The following RALGPS2 variants were observed in gnomAD, a reference collection of about 807,000 sequenced individuals.
The protein encoded by RALGPS2 is ras-specific guanine nucleotide-releasing factor RalGPS2.
RALGPS2 carries 43 observed loss-of-function variants against 86.8 expected under a neutral mutation model. The observed-to-expected ratio is 0.50, with a 90% confidence interval of 0.39 to 0.64. The LOEUF (loss-of-function observed/expected upper bound fraction) is 0.64. RALGPS2 is among the 30% of genes least tolerant of loss of function. The probability of loss-of-function intolerance (pLI) is 0.00; values close to 1 mark genes in which losing one functional copy is unlikely to be tolerated. For missense variants in RALGPS2, 536 were observed against 694.6 expected (o/e 0.77, Z 2.57); for synonymous variants, 243 against 231.3 (o/e 1.05, Z -0.46).
chr1:178,833,674 T>G, intron 8 of RALGPS2, 124 bp downstream of exon 8: 1 of 1,383,076 alleles, frequency 7.2e-7, no homozygotes, highest in Non-Finnish European at 9.3e-7. Context: ...TCAAGATTGG[T>G]AAGCTGAAAA....
intron 5 of RALGPS2, among the ~76,000 whole-genome samples, chr1:178,808,831 G>A (rs1654852484): frequency 6.6e-6 from 1 of 151,956 alleles, no homozygotes; most frequent in Non-Finnish European, 1.5e-5. Flanking sequence ...TCCAGTTAAA[G>A]GCAGCCTGTA....
intron 2 of RALGPS2, among the ~76,000 whole-genome samples, chr1:178,781,237 G>A (rs1653378710): frequency 6.6e-6 from 1 of 152,018 alleles, no homozygotes; most frequent in Non-Finnish European, 1.5e-5. Flanking sequence ...CCTTTAAATT[G>A]TCCATTTATT....
intron 1 of RALGPS2, among the ~76,000 whole-genome samples, chr1:178,752,048 A>G (rs1263635681): frequency 6.6e-6 from 1 of 152,030 alleles, no homozygotes; most frequent in Non-Finnish European, 1.5e-5. Flanking sequence ...ACAATTTGTA[A>G]TTTACTGAGC....
chr1:178,802,152 A>G (rs931271795), intron 4 of RALGPS2, among the ~76,000 whole-genome samples: 1 of 152,064 alleles, frequency 6.6e-6, no homozygotes, highest in African/African-American at 2.4e-5. Context: ...CTTATTGATA[A>G]CATAAACAGT....
chr1:178,819,840 T>TCATC (rs1655413565), intron 6 of RALGPS2, among the ~76,000 whole-genome samples: 2 of 152,172 alleles, frequency 1.3e-5, no homozygotes, highest in African/African-American at 4.8e-5. Flanking sequence ...CAGATCCTTC[T>TCATC]CATCATCTCT....
At chr1:178,827,826 T>C (rs976540261) in intron 7 of RALGPS2, among the ~76,000 whole-genome samples, 11 of 152,186 alleles carry the variant, frequency 7.2e-5, no homozygotes, top group Non-Finnish European at 1.6e-4. Flanking sequence ...TACAGTCAAT[T>C]GATCCTCAAC....
chr1:178,805,757 TTC>T (rs369647361), intron 4 of RALGPS2, among the ~76,000 whole-genome samples: 2 of 152,196 alleles, frequency 1.3e-5, no homozygotes, highest in African/African-American at 4.8e-5. Flanking sequence ...TCATTTCTCC[TTC>T]TTTTGCACAT....
intron 1 of RALGPS2, among the ~76,000 whole-genome samples, chr1:178,740,785 TC>T: frequency 6.6e-6 from 1 of 152,260 alleles, no homozygotes; most frequent in Admixed American, 6.5e-5. Flanking sequence ...CATTCATTCC[TC>T]CCCACCCCCA....
In RALGPS2 at chr1:178,751,152, C is replaced by G. The variant is rs537955386; in HGVS notation, c.-83-25530C>G. Among the ~76,000 whole-genome samples the G allele has an allele frequency of 5.3e-5, 8 of 152,278 alleles. No individual in the cohort carries two copies. The South Asian group carries it at 1.2e-3, about 24-fold the overall frequency. Reference sequence around the variant, plus strand: ...CACACACACCCTATGTCCCTCCCCCCCAAACCCTTATGCTTTTTTCTACAA... The same window carrying G: ...CACACACACCCTATGTCCCTCCCCCGCAAACCCTTATGCTTTTTTCTACAA... On this transcript the variant is annotated intron_variant, in intron 1 of 19. Coordinates refer to ENST00000367635, the MANE Select transcript of RALGPS2 (RefSeq NM_152663.5).
chr1:178,818,362 A>G (rs991275273), intron 6 of RALGPS2, among the ~76,000 whole-genome samples: 2 of 152,238 alleles, frequency 1.3e-5, no homozygotes, highest in African/African-American at 4.8e-5. Context: ...CACGTCTCAA[A>G]AAAGAAAAAA....
intron 8 of RALGPS2, among the ~76,000 whole-genome samples, chr1:178,840,118 C>T (rs1302403545): frequency 1.3e-5 from 2 of 152,156 alleles, no homozygotes; most frequent in Non-Finnish European, 2.9e-5. Flanking sequence ...CAAGGATATC[C>T]AGGAATTGAA....
chr1:178,727,808 TGGGGACACAACAGG>T (rs1287737139), intron 1 of RALGPS2, among the ~76,000 whole-genome samples: 1 of 152,100 alleles, frequency 6.6e-6, no homozygotes, highest in East Asian at 1.9e-4. Context: ...CCCTAGAGGT[TGGGGACACAACAGG>T]GGAGACACAA....
At chr1:178,849,574 T>G (rs1206939164) in intron 8 of RALGPS2, 1 of 152,228 alleles carries the variant, frequency 6.6e-6, no homozygotes, top group Non-Finnish European at 1.5e-5. Flanking sequence ...CACTTAAGAT[T>G]TGGTGTAACA....
chr1:178,754,069 G>T (rs1188818787), intron 1 of RALGPS2, among the ~76,000 whole-genome samples: 6 of 151,770 alleles, frequency 4.0e-5, no homozygotes, highest in Admixed American at 3.9e-4. Context: ...TGATCCGCCC[G>T]CCTCGGCCTC....
At chr1:178,814,853 C>G (rs1404427074) in intron 6 of RALGPS2, among the ~76,000 whole-genome samples, 1 of 152,186 alleles carries the variant, frequency 6.6e-6, no homozygotes. Context: ...ATCCATGTCA[C>G]CATCTGATAT....
rs763252164 is a variant in RALGPS2 at position 178,920,414 on chromosome 1, A to G, written c.*4055A>G. 1.1e-4 allele frequency: 17 copies of G among 151,998 alleles called. No individual in the cohort carries two copies. The highest frequency in any genetic ancestry group is 1.9e-4 in the Non-Finnish European group (13 of 67,896). 9.4% of individuals were successfully genotyped at this position (151,998 alleles called of 1,614,324 possible). On this transcript the variant is annotated 3_prime_UTR_variant, in exon 20 of 20. Coordinates refer to ENST00000367635, the MANE Select transcript of RALGPS2 (RefSeq NM_152663.5). ...GAGCAATTTTAGGGCATCAAGTATG[A>G]CAATAATCATGTGCCCTCTTGCTCC... is the stretch of plus-strand genomic sequence containing the variant.
chr1:178,886,335 A>G (rs1659483854), intron 13 of RALGPS2, among the ~76,000 whole-genome samples: 2 of 152,248 alleles, frequency 1.3e-5, no homozygotes. Context: ...GAAGGTGGAA[A>G]AAGAACATAT....
chr1:178,772,316 C>T (rs1007335519), intron 1 of RALGPS2, among the ~76,000 whole-genome samples: 2 of 152,040 alleles, frequency 1.3e-5, no homozygotes, highest in African/African-American at 4.8e-5. Context: ...GAGCATCTGG[C>T]CAAAATACCT....
chr1:178,862,537 A>G (rs1658097975), intron 8 of RALGPS2, among the ~76,000 whole-genome samples: 1 of 152,132 alleles, frequency 6.6e-6, no homozygotes, highest in Non-Finnish European at 1.5e-5. Context: ...ATGGAGAGGA[A>G]CGATCACTTC....
Sources: allele counts gnomAD v4.1 joint callset (sites outside exome capture counted in the v4.1 genomes callset), GRCh38; gene constraint gnomAD v4.1.1; transcripts MANE v1.5; gene names NCBI Gene and HGNC (gene_info 2026-07-23, HGNC 2026-07-21).